The following MEIS2 variants were observed in gnomAD, a reference collection of about 807,000 sequenced individuals.
MEIS2 encodes the protein Meis homeobox 2.
MEIS2 carries 9 observed loss-of-function variants against 58.6 expected under a neutral mutation model. The ratio of observed to expected loss-of-function variants is 0.15; its 90% CI spans 0.09 to 0.27. The LOEUF (loss-of-function observed/expected upper bound fraction) is 0.27. MEIS2 is among the 10% of genes least tolerant of loss of function. The pLI, the probability that MEIS2 is intolerant of heterozygous loss-of-function variation, is 1.00. For missense variants in MEIS2, 427 were observed against 635.0 expected (o/e 0.67, Z 3.52); for synonymous variants, 221 against 228.4 (o/e 0.97, Z 0.29).
At chr15:36,970,586 T>G (rs2141463367) in intron 8 of MEIS2, among the ~76,000 whole-genome samples, 1 of 152,320 alleles carries the variant, frequency 6.6e-6, no homozygotes. Context: ...TCAGTGGAAG[T>G]GTCCACATTA....
intron 8 of MEIS2, among the ~76,000 whole-genome samples, chr15:37,024,021 G>A (rs551796746): frequency 6.7e-6 from 1 of 148,950 alleles, no homozygotes; most frequent in Non-Finnish European, 1.5e-5. Context: ...GCAATTCTCC[G>A]GCCTCAGCCT....
chr15:36,991,762 GTTAA>G (rs1384939456), intron 8 of MEIS2, among the ~76,000 whole-genome samples: 1 of 114,554 alleles, frequency 8.7e-6, no homozygotes, highest in Admixed American at 9.1e-5. Flanking sequence ...ATATTAAAGT[GTTAA>G]TTTTCTTTTT....
At chr15:37,091,493 C>T (rs928762958) in intron 6 of MEIS2, among the ~76,000 whole-genome samples, 1 of 151,954 alleles carries the variant, frequency 6.6e-6, no homozygotes, top group Non-Finnish European at 1.5e-5. Flanking sequence ...CTCATGGGTT[C>T]AAAATAAATC....
At chr15:37,082,183 A>G (rs1892306916) in intron 7 of MEIS2, among the ~76,000 whole-genome samples, 1 of 152,198 alleles carries the variant, frequency 6.6e-6, no homozygotes, top group Non-Finnish European at 1.5e-5. Flanking sequence ...ACTTGGAGTC[A>G]GAAATGCTTG....
At chr15:37,051,266 A>G (rs1214157949) in intron 7 of MEIS2, among the ~76,000 whole-genome samples, 1 of 152,214 alleles carries the variant, frequency 6.6e-6, no homozygotes, top group Non-Finnish European at 1.5e-5. Context: ...ATATCCACAC[A>G]CTGAAATACT....
At chr15:36,993,913 T>A (rs936030305) in intron 8 of MEIS2, among the ~76,000 whole-genome samples, 6 of 152,130 alleles carry the variant, frequency 3.9e-5, no homozygotes, top group African/African-American at 1.2e-4. Flanking sequence ...GATAGTCTTG[T>A]TACCAGGATC....
At chr15:37,036,792 T>G in intron 8 of MEIS2, 22 bp downstream of exon 8, 1 of 1,602,964 alleles carries the variant, frequency 6.2e-7, no homozygotes, top group Non-Finnish European at 8.5e-7. Context: ...CTATTTTTTT[T>G]TTCTCTTTCA....
rs556478317 is a variant in MEIS2 at position 36,976,305 on chromosome 15, C to T, written c.901-25905G>A. ...TTCACCATGTTGGCCAGGCTGGTCT[C>T]GAACTCCTGACCTTGTGATTCACCC... On this transcript the variant is annotated intron_variant, in intron 8 of 11. Transcript: ENST00000561208. Among the ~76,000 whole-genome samples the T allele has an allele frequency of 7.3e-5, 11 of 151,694 alleles. No individual in the cohort carries two copies. The East Asian group carries it at 1.4e-3, about 19-fold the overall frequency.
chr15:37,049,786 C>CT (rs1038583509), intron 7 of MEIS2, among the ~76,000 whole-genome samples: 181 of 141,868 alleles, frequency 1.3e-3, no homozygotes, highest in Admixed American at 1.6e-3. Flanking sequence ...CGCAGCTGGC[C>CT]TTTTTTTTTT....
At chr15:37,079,176 A>G (rs1891860263) in intron 7 of MEIS2, among the ~76,000 whole-genome samples, 1 of 152,152 alleles carries the variant, frequency 6.6e-6, no homozygotes, top group Non-Finnish European at 1.5e-5. Flanking sequence ...CATATACAAC[A>G]GTTTATTCTA....
At chr15:36,943,870 C>T (rs1402590229) in intron 9 of MEIS2, among the ~76,000 whole-genome samples, 1 of 152,054 alleles carries the variant, frequency 6.6e-6, no homozygotes, top group Non-Finnish European at 1.5e-5. Context: ...TTATTTCCCC[C>T]TCTACTCCTT....
At position 37,017,239 on chromosome 15, in the gene MEIS2, A is replaced by C. The variant is rs192438925; in HGVS notation, c.900+19575T>G. 5.3e-5 allele frequency among the ~76,000 whole-genome samples: 8 copies of C among 152,330 alleles called. No individual in the cohort carries two copies. The East Asian group carries it at 1.5e-3, about 29-fold the overall frequency. ...ATGAGGAAGAATGAAAATGCAGTCA[A>C]ACCAGAAAGTCAAAGAGAACATGGT... On this transcript the variant is annotated intron_variant, in intron 8 of 11. Transcript: ENST00000561208.
chr15:37,047,091 C>T lies in MEIS2; in HGVS notation c.755-10132G>A, dbSNP rs531540782. Among the ~76,000 whole-genome samples the T allele has an allele frequency of 2.0e-5, 3 of 152,218 alleles. No homozygotes were observed. The East Asian group carries it at 5.8e-4, about 29-fold the overall frequency. ...TACCTGATAAGCACATATAAAAGTA[C>T]AGAGTATGTTCTGAAGTTATTCACA... On this transcript the variant is annotated intron_variant, in intron 7 of 11. Coordinates refer to ENST00000561208, the MANE Select transcript of MEIS2 (RefSeq NM_170675.5).
chr15:37,096,621 C>T (rs2140096317), intron 2 of MEIS2, 191 bp from the exon 3 acceptor site: 2 of 566,968 alleles, frequency 3.5e-6, no homozygotes, highest in Non-Finnish European at 2.8e-6. Flanking sequence ...GGGCCTGGCC[C>T]TCTCCCGCAG....
At chr15:36,952,298 T>G (rs2141395835) in intron 8 of MEIS2, among the ~76,000 whole-genome samples, 1 of 152,284 alleles carries the variant, frequency 6.6e-6, no homozygotes, top group Middle Eastern at 3.4e-3. Flanking sequence ...GGCATTTTCC[T>G]GCCAAATTCA....
intron 8 of MEIS2, among the ~76,000 whole-genome samples, chr15:36,968,556 G>C (rs1285679173): frequency 1.3e-5 from 2 of 152,154 alleles, no homozygotes; most frequent in Non-Finnish European, 1.5e-5. Context: ...CAAGTGATAC[G>C]TGTGCTATGT....
chr15:37,099,563 TC>T lies in MEIS2; in HGVS notation c.-98del. ...AGGCTGAAGATTCCTTTTTTTTTTT[TC>T]CAAACCAAAGAGACTTCTCCCAATT... On this transcript the variant is annotated 5_prime_UTR_variant, in exon 1 of 12. Coordinates refer to ENST00000561208, the MANE Select transcript of MEIS2 (RefSeq NM_170675.5). 5 of 1,502,960 alleles carry T rather than the reference TC, an allele frequency of 3.3e-6. No individual in the cohort carries two copies. Among genetic ancestry groups the T allele is most frequent in the African/African-American group, 1.4e-5 (1 of 71,558 alleles). 93.1% of individuals were successfully genotyped at this position (1,502,960 alleles called of 1,614,324 possible).
intron 9 of MEIS2, among the ~76,000 whole-genome samples, chr15:36,934,744 T>A (rs1415209065): frequency 6.6e-6 from 1 of 152,218 alleles, no homozygotes; most frequent in Non-Finnish European, 1.5e-5. Context: ...CAAGTGTATG[T>A]GGTTACAAGT....
At chr15:36,940,198 C>A (rs559402741) in intron 9 of MEIS2, among the ~76,000 whole-genome samples, 20 of 152,224 alleles carry the variant, frequency 1.3e-4, no homozygotes, top group African/African-American at 4.8e-4. Flanking sequence ...CTATCTGAGC[C>A]TAATGTAACC....
Sources: gnomAD v4.1 joint callset for allele counts (sites outside exome capture counted in the v4.1 genomes callset) on GRCh38, gnomAD v4.1.1 for gene constraint, MANE v1.5 for transcripts, NCBI Gene and HGNC (gene_info 2026-07-23, HGNC 2026-07-21) for gene names.